PDGFC: variants seen among roughly 807,000 people sequenced by gnomAD.
PDGFC encodes platelet-derived growth factor C.
A neutral mutation model predicts 35.5 loss-of-function variants in PDGFC; 12 were observed. The ratio of observed to expected loss-of-function variants is 0.34; its 90% CI spans 0.22 to 0.55. The LOEUF is 0.55. PDGFC is among the 20% of genes least tolerant of loss of function. The pLI is 0.91. For missense variants in PDGFC, 322 were observed against 412.4 expected, an observed-to-expected ratio of 0.78 and a Z score of 1.90; for synonymous variants, 159 against 148.8, an observed-to-expected ratio of 1.07 and a Z score of -0.50.
At chr4:156,827,168 A>G (rs1170291889) in intron 2 of PDGFC, among the ~76,000 whole-genome samples, 1 of 152,208 alleles carries the variant, frequency 6.6e-6, no homozygotes, top group Non-Finnish European at 1.5e-5. Flanking sequence ...CTGAAATTCC[A>G]GCACTTTGGG....
At position 156,886,226 on chromosome 4, in the gene PDGFC, T is replaced by C. The variant is rs184847788; in HGVS notation, c.119-35810A>G. Among the ~76,000 whole-genome samples, 150 of 152,288 alleles carry C rather than the reference T, an allele frequency of 9.8e-4. 1 individual carries two copies. Among genetic ancestry groups the C allele is most frequent in the African/African-American group, 3.3e-3 (137 of 41,584 alleles). On this transcript the variant is annotated intron_variant, in intron 1 of 5. Coordinates refer to ENST00000502773, the MANE Select transcript of PDGFC (RefSeq NM_016205.3). ...TTCTTATACATAATATCTAAATTATTGGTGTAATAACATTGTGGGAAGGGC... is the reference window on the plus strand; with the variant it reads ...TTCTTATACATAATATCTAAATTATCGGTGTAATAACATTGTGGGAAGGGC...
intron 2 of PDGFC, among the ~76,000 whole-genome samples, chr4:156,812,902 T>C (rs1421980903): frequency 6.6e-6 from 1 of 152,042 alleles, no homozygotes; most frequent in East Asian, 1.9e-4. Context: ...AACATAACCT[T>C]GGAAGCTTAA....
intron 1 of PDGFC, among the ~76,000 whole-genome samples, chr4:156,888,287 A>C (rs953869141): frequency 6.6e-6 from 1 of 152,140 alleles, no homozygotes; most frequent in South Asian, 2.1e-4. Flanking sequence ...AGAACAATAT[A>C]AATAAAAACA....
At chr4:156,779,099 C>A in intron 3 of PDGFC, 1 of 456,030 alleles carries the variant, frequency 2.2e-6, no homozygotes. Context: ...TTTAAAGAGC[C>A]TAAGCAGCAG....
intron 3 of PDGFC, among the ~76,000 whole-genome samples, chr4:156,803,185 A>T (rs1731663497): frequency 1.3e-5 from 2 of 152,144 alleles, no homozygotes; most frequent in Non-Finnish European, 2.9e-5. Context: ...TTAGAAAACC[A>T]AATGTGTCTG....
intron 1 of PDGFC, among the ~76,000 whole-genome samples, chr4:156,852,638 G>A (rs1408739430): frequency 1.3e-5 from 2 of 151,982 alleles, no homozygotes; most frequent in Non-Finnish European, 2.9e-5. Flanking sequence ...AAATCTAATG[G>A]GATATTACTC....
intron 1 of PDGFC, among the ~76,000 whole-genome samples, chr4:156,934,404 C>T (rs1350628485): frequency 1.3e-5 from 2 of 152,130 alleles, no homozygotes; most frequent in Non-Finnish European, 2.9e-5. Flanking sequence ...TATAGAGTTC[C>T]TACCATGAAC....
chr4:156,897,290 TACAC>T (rs149168649), intron 1 of PDGFC, among the ~76,000 whole-genome samples: 80 of 148,620 alleles, frequency 5.4e-4, no homozygotes, highest in African/African-American at 1.1e-3. Context: ...TATAAATAAA[TACAC>T]ACACACACAC....
intron 2 of PDGFC, among the ~76,000 whole-genome samples, chr4:156,823,980 A>G (rs1177634894): frequency 3.3e-5 from 5 of 152,138 alleles, no homozygotes; most frequent in Non-Finnish European, 5.9e-5. Context: ...CCAGCCACAG[A>G]AAGACAAGTA....
In PDGFC at chr4:156,971,673, C is replaced by T. The variant is rs1732598920; in HGVS notation, c.-770G>A. Among the ~76,000 whole-genome samples, 1 of 151,938 alleles carries T rather than the reference C, an allele frequency of 6.6e-6. No homozygotes were observed. Reference sequence around the variant, plus strand: ...ACCTTGTTCGGGCTCGTCCCCCGCTCCTCAAAGCCTGGGGCAATTCGGCCG... The same window carrying T: ...ACCTTGTTCGGGCTCGTCCCCCGCTTCTCAAAGCCTGGGGCAATTCGGCCG... On this transcript the variant is annotated 5_prime_UTR_variant, in exon 1 of 6. Coordinates refer to ENST00000502773, the MANE Select transcript of PDGFC (RefSeq NM_016205.3).
intron 1 of PDGFC, among the ~76,000 whole-genome samples, chr4:156,855,673 C>T (rs1729557896): frequency 6.6e-6 from 1 of 152,124 alleles, no homozygotes; most frequent in Admixed American, 6.6e-5. Flanking sequence ...CACACATTCA[C>T]CCATTTAATT....
At chr4:156,903,274 A>G (rs974917573) in intron 1 of PDGFC, among the ~76,000 whole-genome samples, 2 of 151,942 alleles carry the variant, frequency 1.3e-5, no homozygotes, top group Admixed American at 6.5e-5. Flanking sequence ...CAAATTAAAC[A>G]ATAACATTTT....
chr4:156,894,714 T>C (rs1242597407), intron 1 of PDGFC, among the ~76,000 whole-genome samples: 1 of 152,066 alleles, frequency 6.6e-6, no homozygotes, highest in Non-Finnish European at 1.5e-5. Flanking sequence ...GCATAGGAAA[T>C]TGAAAGAACT....
At chr4:156,853,577 C>T (rs981190120) in intron 1 of PDGFC, among the ~76,000 whole-genome samples, 102 of 152,210 alleles carry the variant, frequency 6.7e-4, no homozygotes, top group African/African-American at 2.3e-3. Context: ...GCCTTTTCTA[C>T]GCATATTATT....
At chr4:156,832,889 T>C (rs1401640324) in intron 2 of PDGFC, among the ~76,000 whole-genome samples, 1 of 152,210 alleles carries the variant, frequency 6.6e-6, no homozygotes, top group Non-Finnish European at 1.5e-5. Flanking sequence ...GGCTGGCCCC[T>C]GGGGGACTAC....
chr4:156,869,585 A>G (rs1192308681), intron 1 of PDGFC, among the ~76,000 whole-genome samples: 1 of 152,164 alleles, frequency 6.6e-6, no homozygotes, highest in Non-Finnish European at 1.5e-5. Context: ...CCTTCAACGC[A>G]AGAGTTTTGT....
intron 1 of PDGFC, among the ~76,000 whole-genome samples, chr4:156,936,156 T>C (rs1024309570): frequency 1.3e-5 from 2 of 152,208 alleles, no homozygotes; most frequent in East Asian, 1.9e-4. Context: ...CCCATCACAG[T>C]TGGATCTGTC....
intron 1 of PDGFC, among the ~76,000 whole-genome samples, chr4:156,938,919 T>G (rs1003488862): frequency 6.6e-6 from 1 of 151,962 alleles, no homozygotes; most frequent in Non-Finnish European, 1.5e-5. Context: ...AAAATAGGTA[T>G]AGTAATTTTA....
At chr4:156,783,679 C>T (rs7666664) in intron 3 of PDGFC, among the ~76,000 whole-genome samples, 10,251 of 152,130 alleles carry the variant, frequency 0.067, 1,132 homozygotes, top group African/African-American at 0.23. Flanking sequence ...AATTGTTGTA[C>T]GTGTCCCTCC....
Sources: allele counts gnomAD v4.1 joint callset (sites outside exome capture counted in the v4.1 genomes callset), GRCh38; gene constraint gnomAD v4.1.1; transcripts MANE v1.5; gene names NCBI Gene and HGNC (gene_info 2026-07-23, HGNC 2026-07-21).